Variants in KIF27 observed in about 807,000 individuals in gnomAD.
KIF27 encodes the protein kinesin family member 27, also known as kinesin-like protein KIF27.
KIF27 carries 84 observed loss-of-function variants against 141.8 expected under a neutral mutation model. That is an observed-to-expected ratio of 0.59 (90% CI 0.50 to 0.71). KIF27 has a LOEUF of 0.71. Ranked by LOEUF, KIF27 falls within the 30% of genes least tolerant of loss-of-function variation. KIF27 has a pLI of 0.00. For missense variants in KIF27, 1,306 were observed against 1,628.4 expected, an observed-to-expected ratio of 0.80 and a Z score of 3.41; for synonymous variants, 471 against 569.5, an observed-to-expected ratio of 0.83 and a Z score of 2.46.
chr9:83,896,478 CAG>C (rs149791431), intron 5 of KIF27, among the ~76,000 whole-genome samples: 4,316 of 151,408 alleles, frequency 0.029, 137 homozygotes, highest in African/African-American at 0.099. Flanking sequence ...TTTATAGTGA[CAG>C]AAAAAAAATC....
chr9:83,873,564 C>T (rs2132089282), intron 11 of KIF27, among the ~76,000 whole-genome samples: 1 of 152,262 alleles, frequency 6.6e-6, no homozygotes, highest in African/African-American at 2.4e-5. Flanking sequence ...AAAAATGTTA[C>T]ACCCATCTGA....
chr9:83,854,662 A>G (rs1490957193), intron 14 of KIF27, among the ~76,000 whole-genome samples: 2 of 152,170 alleles, frequency 1.3e-5, no homozygotes, highest in African/African-American at 4.8e-5. Context: ...TGCCGTCCTG[A>G]GTAGCTGGGA....
intron 11 of KIF27, among the ~76,000 whole-genome samples, chr9:83,872,610 TAA>T (rs1000025798): frequency 5.3e-5 from 8 of 152,234 alleles, no homozygotes; most frequent in African/African-American, 1.4e-4. Context: ...TCATGTTTTA[TAA>T]AAGTGTTAGG....
At chr9:83,882,470 A>G (rs1235850225) in intron 10 of KIF27, among the ~76,000 whole-genome samples, 2 of 152,240 alleles carry the variant, frequency 1.3e-5, no homozygotes, top group African/African-American at 2.4e-5. Flanking sequence ...CCACATTTGT[A>G]AAATGGCTAA....
rs769677258 is a variant in KIF27 at position 83,867,823 on chromosome 9, A to G, written c.2795T>C (p.Val932Ala). 1.4e-5 allele frequency: 23 copies of G among 1,607,928 alleles called. No homozygotes were observed. The highest frequency in any genetic ancestry group is 2.2e-5 in the East Asian group (1 of 44,648). The change falls in exon 13 of 18, where the codon GTA becomes GCA. Residue 932 changes from valine to alanine, a missense_variant. Transcript: ENST00000297814. The part of the protein sequence containing the change: ...DEQKKWLDEE[V>A]EKVLNQRQEL... ...TTGGCGTTGGTTCAGAACTTTCTCT[A>G]CTTCTTCATCTAACCATTTCTTTTG... is the stretch of plus-strand genomic sequence containing the variant.
chr9:83,875,756 A>C (rs557619851), intron 11 of KIF27, among the ~76,000 whole-genome samples: 4 of 152,224 alleles, frequency 2.6e-5, no homozygotes, highest in Admixed American at 6.5e-5. Context: ...CACAGTATTA[A>C]GATAAGGACT....
chr9:83,896,325 T>C (rs936741809), intron 5 of KIF27, among the ~76,000 whole-genome samples: 10 of 152,174 alleles, frequency 6.6e-5, no homozygotes, highest in Non-Finnish European at 1.2e-4. Flanking sequence ...GCTCCCCACT[T>C]GATGGTAACT....
In KIF27 at chr9:83,895,263, A is replaced by G. The variant is rs760099643; in HGVS notation, c.1603-3762T>C. Among the ~76,000 whole-genome samples the G allele has an allele frequency of 6.1e-3, 783 of 128,814 alleles. 5 individuals are homozygous for G. Among genetic ancestry groups the G allele is most frequent in the Non-Finnish European group, 7.8e-3 (505 of 64,790 alleles). 84.5% of individuals were successfully genotyped at this position (128,814 alleles called of 152,430 possible). ...GGTGACACAGTGAGACTCTGCCTCG[A>G]AAAAAAAAAAAAAAAAATCAGGTCA... On this transcript the variant is annotated intron_variant, in intron 5 of 17. Transcript: ENST00000297814.
rs185889930 is a variant in KIF27, at chr9:83,884,100, A to G, written c.2240-82T>C. ...CCAAAACATAAAAATACTCTACTCTAAAATCCAGCCAGGCAGTGATACTAT... is the reference window on the plus strand; with the variant it reads ...CCAAAACATAAAAATACTCTACTCTGAAATCCAGCCAGGCAGTGATACTAT... On this transcript the variant is annotated intron_variant, in intron 9 of 17. Coordinates refer to ENST00000297814, the MANE Select transcript of KIF27 (RefSeq NM_017576.4). The G allele has an allele frequency of 1.3e-3, 1,361 of 1,016,106 alleles. 1 individual carries two copies. Among genetic ancestry groups the G allele is most frequent in the Non-Finnish European group, 1.7e-3 (1,225 of 715,714 alleles). The allele number at this position is 1,016,106 out of a possible 1,614,324, so 62.9% of individuals were successfully genotyped here.
intron 13 of KIF27, among the ~76,000 whole-genome samples, chr9:83,864,728 T>G (rs1950214809): frequency 6.6e-6 from 1 of 152,172 alleles, no homozygotes; most frequent in Non-Finnish European, 1.5e-5. Context: ...CTGGATATCC[T>G]TGTTAACTTT....
At chr9:83,861,062 G>C (rs1949850973) in intron 13 of KIF27, among the ~76,000 whole-genome samples, 2 of 152,056 alleles carry the variant, frequency 1.3e-5, no homozygotes, top group South Asian at 4.2e-4. Flanking sequence ...CAACTTACAA[G>C]TAGTCTTTTT....
Position 83,908,671 on chromosome 9 carries a change from A to G in KIF27, c.299-19T>C. 1.3e-6 allele frequency: 2 copies of G among 1,523,594 alleles called. No individual in the cohort carries two copies. The highest frequency in any genetic ancestry group is 1.8e-6 in the Non-Finnish European group (2 of 1,119,648). 94.4% of individuals were successfully genotyped at this position (1,523,594 alleles called of 1,614,324 possible). ...ACTGAAGCTGAAAATTTAGAAAAAGAAAGCACATCTGGAACTTAAAACAAA... is the reference window on the plus strand; with the variant it reads ...ACTGAAGCTGAAAATTTAGAAAAAGGAAGCACATCTGGAACTTAAAACAAA... On this transcript the variant is annotated intron_variant, in intron 2 of 17. Coordinates refer to ENST00000297814, the MANE Select transcript of KIF27 (RefSeq NM_017576.4).
chr9:83,840,354 CGTT>C (rs1946419370), intron 17 of KIF27, among the ~76,000 whole-genome samples: 1 of 151,982 alleles, frequency 6.6e-6, no homozygotes, highest in Non-Finnish European at 1.5e-5. Context: ...GTATCTCCAA[CGTT>C]ATTATCAAGA....
At chr9:83,901,308 C>T (rs563263655) in intron 4 of KIF27, among the ~76,000 whole-genome samples, 1 of 152,120 alleles carries the variant, frequency 6.6e-6, no homozygotes, top group Non-Finnish European at 1.5e-5. Context: ...AAGATAGTTT[C>T]AAATCTCATA....
At chr9:83,870,787 A>C (rs1950721854) in intron 11 of KIF27, among the ~76,000 whole-genome samples, 155 bp from the exon 12 acceptor site, 1 of 151,032 alleles carries the variant, frequency 6.6e-6, no homozygotes, top group Non-Finnish European at 1.5e-5. Flanking sequence ...CACAGCCTCA[A>C]ACTCCTGGGC....
At chr9:83,901,744 G>A (rs1472756780) in intron 4 of KIF27, among the ~76,000 whole-genome samples, 2 of 152,128 alleles carry the variant, frequency 1.3e-5, no homozygotes, top group African/African-American at 4.8e-5. Flanking sequence ...ATGGTGGCAT[G>A]TGCCTATAGT....
intron 5 of KIF27, among the ~76,000 whole-genome samples, chr9:83,893,298 G>GT (rs1348266993): frequency 1.3e-5 from 2 of 152,122 alleles, no homozygotes; most frequent in African/African-American, 4.8e-5. Context: ...TCAAAGGTGA[G>GT]TAAAAAATGT....
At chr9:83,913,990 C>A (rs1348189785) in intron 2 of KIF27, among the ~76,000 whole-genome samples, 6 of 151,890 alleles carry the variant, frequency 4.0e-5, no homozygotes, top group Admixed American at 3.3e-4. Context: ...TAATGGTCCT[C>A]TATTTCTTCT....
intron 4 of KIF27, among the ~76,000 whole-genome samples, chr9:83,901,594 G>GAAGCCA (rs1953896228): frequency 6.6e-6 from 1 of 152,120 alleles, no homozygotes; most frequent in Non-Finnish European, 1.5e-5. Flanking sequence ...TTGTGTGTTG[G>GAAGCCA]CCGGGTGCGG....
Sources: allele counts gnomAD v4.1 joint callset (sites outside exome capture counted in the v4.1 genomes callset), GRCh38; gene constraint gnomAD v4.1.1; transcripts MANE v1.5; gene names NCBI Gene and HGNC (gene_info 2026-07-23, HGNC 2026-07-21).